Variants in MGAT4C observed in about 807,000 individuals in gnomAD.
MGAT4C encodes alpha-1,3-mannosyl-glycoprotein 4-beta-N-acetylglucosaminyltransferase C.
Under a neutral mutation model 40.1 loss-of-function variants are expected in MGAT4C, and 19 were observed. The observed-to-expected ratio is 0.47, with a 90% CI of 0.33 to 0.70. MGAT4C has a LOEUF of 0.70. MGAT4C is among the 30% of genes least tolerant of loss of function. The probability of loss-of-function intolerance (pLI) is 0.02; values close to 1 mark genes in which losing one functional copy is unlikely to be tolerated. For missense variants in MGAT4C, 491 were observed against 563.2 expected, an observed-to-expected ratio of 0.87 and a Z score of 1.30; for synonymous variants, 181 against 187.1, an observed-to-expected ratio of 0.97 and a Z score of 0.27.
chr12:86,382,608 C>T (rs75987359), intron 3 of MGAT4C, among the ~76,000 whole-genome samples: 2,324 of 152,210 alleles, frequency 0.015, 49 homozygotes, highest in South Asian at 0.062. Context: ...CAATGGCAGC[C>T]CCTCCCTTCA....
At chr12:86,387,948 T>C (rs34067896) in intron 3 of MGAT4C, among the ~76,000 whole-genome samples, 2,932 of 152,284 alleles carry the variant, frequency 0.019, 43 homozygotes, top group Middle Eastern at 0.034. Flanking sequence ...CATGAGCTAG[T>C]ATTATGAAAT....
chr12:86,203,882 G>A (rs1013837504), intron 1 of MGAT4C, among the ~76,000 whole-genome samples: 5 of 151,070 alleles, frequency 3.3e-5, no homozygotes, highest in Non-Finnish European at 7.4e-5. Flanking sequence ...ACTTGAACCC[G>A]GGAGGCAGAG....
chr12:86,033,817 C>A (rs972271981), intron 2 of MGAT4C, among the ~76,000 whole-genome samples: 6 of 149,630 alleles, frequency 4.0e-5, no homozygotes, highest in African/African-American at 1.2e-4. Flanking sequence ...AGAGGGTATC[C>A]TTTTCTTGCT....
At position 86,459,669 on chromosome 12, in the gene MGAT4C, C is replaced by G. The variant is rs1365403849; in HGVS notation, c.-228-24404G>C. 4.1e-5 allele frequency among the ~76,000 whole-genome samples: 5 copies of G among 122,010 alleles called. No individual in the cohort carries two copies. The East Asian group carries it at 1.4e-3, about 35-fold the overall frequency. 80.0% of individuals were successfully genotyped at this position (122,010 alleles called of 152,430 possible). On this transcript the variant is annotated intron_variant, in intron 2 of 7. Transcript: ENST00000548651. ...AAAGAAGCCCCCCCAACCTTCCCCG[C>G]CCCCACTCACCCACAGCTTTACCCG...
At chr12:85,993,057 G>A (rs1261701258) in intron 2 of MGAT4C, among the ~76,000 whole-genome samples, 2 of 152,202 alleles carry the variant, frequency 1.3e-5, no homozygotes, top group Non-Finnish European at 2.9e-5. Flanking sequence ...AATAACAGAT[G>A]CCTGGTGAAT....
At chr12:86,468,416 G>T (rs1957712334) in intron 2 of MGAT4C, among the ~76,000 whole-genome samples, 1 of 151,890 alleles carries the variant, frequency 6.6e-6, no homozygotes, top group African/African-American at 2.4e-5. Flanking sequence ...TGCCCCCTAT[G>T]TCATTTTATC....
rs186530923 is a variant in MGAT4C, at chr12:86,274,358, A to T, written c.-57+59707T>A. Among the ~76,000 whole-genome samples, 7 of 152,286 alleles carry T rather than the reference A, an allele frequency of 4.6e-5. No individual in the cohort carries two copies. In the East Asian group the frequency reaches 1.3e-3, roughly 29 times the overall value. Reference sequence around the variant, plus strand: ...CTCAAAGACACTCTAGTCTTTAAAAAGTGGATATCATCTAAATAATTATTT... The same window carrying T: ...CTCAAAGACACTCTAGTCTTTAAAATGTGGATATCATCTAAATAATTATTT... On this transcript the variant is annotated intron_variant, in intron 4 of 7. Transcript: ENST00000548651.
At chr12:86,233,251 G>A (rs1310075525) in intron 1 of MGAT4C, among the ~76,000 whole-genome samples, 1 of 152,166 alleles carries the variant, frequency 6.6e-6, no homozygotes, top group African/African-American at 2.4e-5. Flanking sequence ...ATGCAAGTCT[G>A]TTTTCAAAGA....
At position 86,686,545 on chromosome 12, in the gene MGAT4C, GTGT is replaced by G. The variant is rs542500116; in HGVS notation, c.-229+40661_-229+40663del. ...AGTTTTTGAGTGTTTTTAGCATGAAGTGTTGTTGAATTTTATCAAAGGCCTTTT... is the reference window on the plus strand; with the variant it reads ...AGTTTTTGAGTGTTTTTAGCATGAAGTGTTGAATTTTATCAAAGGCCTTTT... On this transcript the variant is annotated intron_variant, in intron 2 of 7. Transcript: ENST00000548651. Among the ~76,000 whole-genome samples the G allele has an allele frequency of 1.4e-4, 22 of 152,254 alleles. No homozygotes were observed. The South Asian group carries it at 4.6e-3, about 32-fold the overall frequency.
intron 1 of MGAT4C, among the ~76,000 whole-genome samples, chr12:86,108,829 T>C (rs1876691644): frequency 6.6e-6 from 1 of 152,182 alleles, no homozygotes; most frequent in South Asian, 2.1e-4. Context: ...TTAGCCAACC[T>C]GTTCAGCATA....
chr12:86,061,538 T>C (rs2137003850), intron 1 of MGAT4C, among the ~76,000 whole-genome samples: 1 of 151,792 alleles, frequency 6.6e-6, no homozygotes, highest in Middle Eastern at 3.4e-3. Flanking sequence ...TTCACTCCCT[T>C]GGAAAGGGGG....
At chr12:86,108,504 T>A (rs1479302851) in intron 1 of MGAT4C, among the ~76,000 whole-genome samples, 1 of 152,126 alleles carries the variant, frequency 6.6e-6, no homozygotes, top group African/African-American at 2.4e-5. Context: ...TTACAAAGGC[T>A]GACTAATTGA....
chr12:86,136,841 C>T (rs1419852475), intron 1 of MGAT4C, among the ~76,000 whole-genome samples: 2 of 152,062 alleles, frequency 1.3e-5, no homozygotes, highest in East Asian at 1.9e-4. Flanking sequence ...GCACACACTA[C>T]CACGCCTGGC....
intron 3 of MGAT4C, among the ~76,000 whole-genome samples, chr12:86,411,056 T>A (rs1031360496): frequency 6.6e-6 from 1 of 152,196 alleles, no homozygotes. Flanking sequence ...CCTGTGGAAC[T>A]GTTAGCTAAT....
chr12:86,110,268 C>CTCTA (rs1555224736), intron 1 of MGAT4C, among the ~76,000 whole-genome samples: 4 of 22,308 alleles, frequency 1.8e-4, no homozygotes, highest in African/African-American at 7.4e-4. Flanking sequence ...TATATATAGA[C>CTCTA]TATATATATA....
intron 2 of MGAT4C, among the ~76,000 whole-genome samples, chr12:86,554,443 A>G (rs1299638421): frequency 6.6e-6 from 1 of 152,092 alleles, no homozygotes; most frequent in Non-Finnish European, 1.5e-5. Flanking sequence ...TTTGTCTACC[A>G]TATTGCCCAG....
At chr12:86,744,642 T>C (rs903034074) in intron 1 of MGAT4C, among the ~76,000 whole-genome samples, 6 of 151,548 alleles carry the variant, frequency 4.0e-5, no homozygotes, top group Non-Finnish European at 7.4e-5. Flanking sequence ...GATTCTCCAT[T>C]ATTCATTATT....
intron 1 of MGAT4C, among the ~76,000 whole-genome samples, chr12:86,123,440 G>C (rs1566016322): frequency 6.6e-6 from 1 of 152,126 alleles, no homozygotes; most frequent in Non-Finnish European, 1.5e-5. Context: ...ATAATCATCT[G>C]AATGTAGTTT....
intron 1 of MGAT4C, among the ~76,000 whole-genome samples, chr12:86,081,949 C>T (rs1489327099): frequency 6.6e-6 from 1 of 152,034 alleles, no homozygotes; most frequent in African/African-American, 2.4e-5. Context: ...CTCCATGTCA[C>T]TAGAGAATGG....
Sources: gnomAD v4.1 joint callset for allele counts (sites outside exome capture counted in the v4.1 genomes callset) on GRCh38, gnomAD v4.1.1 for gene constraint, MANE v1.5 for transcripts, NCBI Gene and HGNC (gene_info 2026-07-23, HGNC 2026-07-21) for gene names.